The following DCDC2 variants were observed in gnomAD, a reference collection of about 807,000 sequenced individuals.
DCDC2 encodes doublecortin domain containing 2.
In DCDC2, 40 loss-of-function variants were observed where a neutral mutation model predicts 50.2. The ratio of observed to expected loss-of-function variants is 0.80; its 90% CI spans 0.62 to 1.04. The LOEUF is 1.04. DCDC2 is among the 50% of genes least tolerant of loss of function. DCDC2 has a pLI of 0.00. For missense variants in DCDC2, 570 were observed against 581.9 expected, an observed-to-expected ratio of 0.98 and a Z score of 0.21; for synonymous variants, 234 against 210.6, an observed-to-expected ratio of 1.11 and a Z score of -0.96.
intron 2 of DCDC2, among the ~76,000 whole-genome samples, chr6:24,337,540 T>C (rs1428367610): frequency 1.3e-5 from 2 of 152,124 alleles, no homozygotes; most frequent in African/African-American, 4.8e-5. Context: ...ACACCTGTAA[T>C]CCCAGCACTT....
At chr6:24,342,824 T>C (rs1760184210) in intron 2 of DCDC2, among the ~76,000 whole-genome samples, 1 of 152,208 alleles carries the variant, frequency 6.6e-6, no homozygotes, top group Non-Finnish European at 1.5e-5. Flanking sequence ...TCTTTGTAAG[T>C]ATTGAAGCCA....
At chr6:24,266,150 A>C (rs12197973) in intron 7 of DCDC2, among the ~76,000 whole-genome samples, 24,379 of 152,056 alleles carry the variant, frequency 0.16, 2,091 homozygotes, top group South Asian at 0.26. Flanking sequence ...TATGCAAAAG[A>C]ATGAAATTGG....
the DCDC2 span, among the ~76,000 whole-genome samples, chr6:24,369,133 CAAAA>C: frequency 7.5e-5 from 7 of 92,808 alleles, no homozygotes; most frequent in Non-Finnish European, 1.0e-4. Flanking sequence ...GACTCTGTCT[CAAAA>C]AAAAAAAAAA....
chr6:24,226,305 G>C (rs1173180566), intron 7 of DCDC2, among the ~76,000 whole-genome samples: 2 of 152,136 alleles, frequency 1.3e-5, no homozygotes, highest in Non-Finnish European at 2.9e-5. Context: ...CACAATAAAG[G>C]TGTGTACAAA....
At chr6:24,351,641 C>A (rs1760374172) in intron 2 of DCDC2, among the ~76,000 whole-genome samples, 2 of 152,052 alleles carry the variant, frequency 1.3e-5, no homozygotes, top group African/African-American at 2.4e-5. Flanking sequence ...CATTTGGAGA[C>A]AAGGGGTAGG....
chr6:24,187,962 T>C (rs1761239718), intron 8 of DCDC2, among the ~76,000 whole-genome samples: 1 of 152,244 alleles, frequency 6.6e-6, no homozygotes, highest in African/African-American at 2.4e-5. Flanking sequence ...ATTCTCCAAG[T>C]AGTGACAAAA....
At chr6:24,267,934 T>C (rs550541943) in intron 7 of DCDC2, among the ~76,000 whole-genome samples, 1 of 152,256 alleles carries the variant, frequency 6.6e-6, no homozygotes, top group South Asian at 2.1e-4. Flanking sequence ...CCCCAAGCCC[T>C]ACAATGATCA....
chr6:24,352,296 A>C (rs937469340), intron 2 of DCDC2, among the ~76,000 whole-genome samples: 10 of 152,186 alleles, frequency 6.6e-5, no homozygotes, highest in African/African-American at 2.4e-4. Context: ...CATGCAAGGT[A>C]GTATACTTTA....
chr6:24,303,518 CA>C, intron 2 of DCDC2, among the ~76,000 whole-genome samples: 1 of 152,290 alleles, frequency 6.6e-6, no homozygotes, highest in Non-Finnish European at 1.5e-5. Context: ...GCTCAGTTAT[CA>C]CCAATCATTC....
chr6:24,224,561 T>C lies in DCDC2; in HGVS notation c.923-19459A>G, dbSNP rs1319793426. The stretch of plus-strand genomic sequence containing the variant: ...TATATGTACACACACATATGTGGTG[T>C]GCACTGGTGCTCAAAACTCAAAACT... On this transcript the variant is annotated intron_variant, in intron 7 of 9. Transcript: ENST00000378454. Among the ~76,000 whole-genome samples the C allele has an allele frequency of 4.6e-5, 7 of 152,236 alleles. No homozygotes were observed. In the East Asian group the frequency reaches 1.3e-3, roughly 29 times the overall value.
In DCDC2 at chr6:24,329,834, A is replaced by C. The variant is rs373248010; in HGVS notation, c.348+23735T>G. ...TGAATGAATAAAAAAGGGGGCAGGCAGGGAGAGGCTTGTGTTCAAATGCCC... is the reference window on the plus strand; with the variant it reads ...TGAATGAATAAAAAAGGGGGCAGGCCGGGAGAGGCTTGTGTTCAAATGCCC... On this transcript the variant is annotated intron_variant, in intron 2 of 9. Coordinates refer to ENST00000378454, the MANE Select transcript of DCDC2 (RefSeq NM_016356.5). 7.9e-5 allele frequency among the ~76,000 whole-genome samples: 12 copies of C among 152,340 alleles called. No individual in the cohort carries two copies. The East Asian group carries it at 1.9e-3, about 24-fold the overall frequency.
chr6:24,363,216 G>T, the DCDC2 span, among the ~76,000 whole-genome samples: 1 of 152,188 alleles, frequency 6.6e-6, no homozygotes, highest in Admixed American at 6.5e-5. Flanking sequence ...ACCACCAGCA[G>T]GGCACGGTGG....
chr6:24,342,988 C>A (rs542863886), intron 2 of DCDC2, among the ~76,000 whole-genome samples: 3 of 151,734 alleles, frequency 2.0e-5, no homozygotes, highest in African/African-American at 4.8e-5. Context: ...CTGATTGGCA[C>A]GTGAGTCTTT....
intron 7 of DCDC2, among the ~76,000 whole-genome samples, chr6:24,217,605 G>C (rs1459676705): frequency 6.6e-6 from 1 of 152,132 alleles, no homozygotes. Context: ...ATCTAAATTG[G>C]CACAGGTAAT....
At chr6:24,373,732 T>C in the DCDC2 span, among the ~76,000 whole-genome samples, 15 of 152,350 alleles carry the variant, frequency 9.8e-5, no homozygotes, top group South Asian at 2.5e-3. Flanking sequence ...TGTATTATTG[T>C]TAATGCTTTA....
intron 2 of DCDC2, among the ~76,000 whole-genome samples, chr6:24,303,642 C>A (rs914646950): frequency 6.6e-6 from 1 of 152,168 alleles, no homozygotes; most frequent in East Asian, 1.9e-4. Flanking sequence ...GGAAAACTTA[C>A]AAACAACACT....
chr6:24,244,679 C>T (rs1348433711), intron 7 of DCDC2, among the ~76,000 whole-genome samples: 1 of 152,226 alleles, frequency 6.6e-6, no homozygotes, highest in Non-Finnish European at 1.5e-5. Flanking sequence ...TGCCCTTTGT[C>T]TCCCTCCCCT....
chr6:24,186,377 A>C lies in DCDC2; in HGVS notation c.1024-7745T>G, dbSNP rs528586854. ...GTGATTATTATTTCCATTGTATAGA[A>C]TGGGAAATTGAGCCAGAGACATAAA... On this transcript the variant is annotated intron_variant, in intron 8 of 9. Transcript: ENST00000378454. Among the ~76,000 whole-genome samples the C allele has an allele frequency of 1.3e-4, 20 of 152,310 alleles. No homozygotes were observed. The South Asian group carries it at 3.1e-3, about 24-fold the overall frequency.
chr6:24,301,601 G>A (rs1296371229), intron 4 of DCDC2, 114 bp downstream of exon 4: 17 of 1,203,582 alleles, frequency 1.4e-5, no homozygotes, highest in East Asian at 4.7e-5. Context: ...TGAGGCATAC[G>A]GGGCCTAACT....
Sources: allele counts gnomAD v4.1 joint callset (sites outside exome capture counted in the v4.1 genomes callset), GRCh38; gene constraint gnomAD v4.1.1; transcripts MANE v1.5; gene names NCBI Gene and HGNC (gene_info 2026-07-23, HGNC 2026-07-21).